The following STK32C variants were observed in gnomAD, a reference collection of about 807,000 sequenced individuals.
STK32C encodes serine/threonine-protein kinase 32C.
STK32C carries 31 observed loss-of-function variants against 56.5 expected under a neutral mutation model. The ratio of observed to expected loss-of-function variants is 0.55; its 90% confidence interval spans 0.41 to 0.74. STK32C has a LOEUF of 0.74. Among genes scored for constraint, STK32C ranks in the 30% least tolerant of loss-of-function variants. The pLI is 0.00. For synonymous variants in STK32C, 309 were observed against 289.4 expected (o/e 1.07, Z -0.69); for missense variants, 544 against 676.9 (o/e 0.80, Z 2.18).
intron 1 of STK32C, among the ~76,000 whole-genome samples, chr10:132,283,234 G>A (rs2065270553): frequency 6.6e-6 from 1 of 152,278 alleles, no homozygotes; most frequent in Non-Finnish European, 1.5e-5. Flanking sequence ...AGACACCCCA[G>A]CAAAACGTTT....
At chr10:132,299,812 G>C (rs1273965262) in intron 1 of STK32C, among the ~76,000 whole-genome samples, 3 of 152,244 alleles carry the variant, frequency 2.0e-5, no homozygotes, top group Non-Finnish European at 4.4e-5. Flanking sequence ...GAGAAACGCG[G>C]TGCCAGGACC....
chr10:132,270,701 T>G (rs2064789713), intron 1 of STK32C, among the ~76,000 whole-genome samples: 2 of 152,076 alleles, frequency 1.3e-5, no homozygotes, highest in African/African-American at 4.8e-5. Flanking sequence ...CACCCCTCCC[T>G]CCCTCTGCGT....
intron 2 of STK32C, among the ~76,000 whole-genome samples, chr10:132,233,158 G>A (rs974570122): frequency 4.6e-5 from 7 of 152,252 alleles, no homozygotes; most frequent in Non-Finnish European, 1.0e-4. Context: ...CCACAAAAAC[G>A]GGAGGGTCAG....
chr10:132,269,341 T>C (rs911788973), intron 1 of STK32C, among the ~76,000 whole-genome samples: 2 of 152,192 alleles, frequency 1.3e-5, no homozygotes, highest in African/African-American at 2.4e-5. Flanking sequence ...GACCGACACA[T>C]GGTGCCTGGA....
chr10:132,281,425 A>G (rs981742787), intron 1 of STK32C, among the ~76,000 whole-genome samples: 1 of 152,136 alleles, frequency 6.6e-6, no homozygotes, highest in African/African-American at 2.4e-5. Context: ...TGCCCCAGCT[A>G]TTCCTAACGT....
intron 7 of STK32C, among the ~76,000 whole-genome samples, chr10:132,224,817 G>A (rs908074591): frequency 8.5e-5 from 13 of 152,254 alleles, no homozygotes; most frequent in East Asian, 5.8e-4. Flanking sequence ...CTCAGAGGTG[G>A]GGTCCTGTGC....
rs140569228 is a variant in STK32C at position 132,274,019 on chromosome 10, G to A, written c.263-28064C>T. ...TCTGCTCTCTTTTTCCATAAGATCC[G>A]CAAGTTGTGGGAGGTGCACATCGAC... On this transcript the variant is annotated intron_variant, in intron 1 of 11. Coordinates refer to ENST00000298630, the MANE Select transcript of STK32C (RefSeq NM_173575.4). Among the ~76,000 whole-genome samples the A allele has an allele frequency of 3.8e-3, 580 of 152,322 alleles. 3 individuals are homozygous for A. Among genetic ancestry groups the A allele is most frequent in the African/African-American group, 0.014 (562 of 41,560 alleles).
intron 1 of STK32C, among the ~76,000 whole-genome samples, chr10:132,292,712 G>A (rs887303879): frequency 6.6e-6 from 1 of 152,158 alleles, no homozygotes; most frequent in Non-Finnish European, 1.5e-5. Context: ...ACCCAAAGCA[G>A]GCCCTGGAAT....
chr10:132,313,397 G>A (rs947205185), intron 1 of STK32C, among the ~76,000 whole-genome samples: 2 of 152,226 alleles, frequency 1.3e-5, no homozygotes. Context: ...CGGGCCACAC[G>A]ACAGACATTT....
In STK32C at chr10:132,222,779, A is replaced by T; in HGVS notation, c.1120-7T>A. 6.3e-7 allele frequency: 1 copy of T among 1,598,450 alleles called. No homozygotes were observed. Among genetic ancestry groups the T allele is most frequent in the East Asian group, 2.3e-5 (1 of 44,028 alleles). ...CGCAGTGCAGACGGCCTTTCTACAG[A>T]GGGATGGGTGCTGAGCCCCGGCCCG... is the stretch of plus-strand genomic sequence containing the variant. On this transcript the variant is annotated splice_polypyrimidine_tract_variant and splice_region_variant and intron_variant, in intron 9 of 11. Coordinates refer to ENST00000298630, the MANE Select transcript of STK32C (RefSeq NM_173575.4).
chr10:132,218,361 T>C (rs1320355898), intron 10 of STK32C, among the ~76,000 whole-genome samples: 3 of 152,146 alleles, frequency 2.0e-5, no homozygotes, highest in African/African-American at 7.2e-5. Flanking sequence ...TTAAAATATA[T>C]TGTCAGAGTA....
At chr10:132,225,372 G>A (rs1208987608) in intron 6 of STK32C, 36 bp from the exon 7 acceptor site, 5 of 1,594,710 alleles carry the variant, frequency 3.1e-6, no homozygotes, top group Non-Finnish European at 4.3e-6. Flanking sequence ...AGCTGCCACG[G>A]GGTCACAGCC....
chr10:132,227,611 ATGATGGTGG>A (rs1434290949), intron 3 of STK32C, among the ~76,000 whole-genome samples: 1 of 136,214 alleles, frequency 7.3e-6, no homozygotes, highest in East Asian at 2.3e-4. Flanking sequence ...GGTGATGGCG[ATGATGGTGG>A]TGATGGTGAT....
At chr10:132,296,051 G>A (rs149878666) in intron 1 of STK32C, among the ~76,000 whole-genome samples, 1 of 150,378 alleles carries the variant, frequency 6.6e-6, no homozygotes, top group Non-Finnish European at 1.5e-5. Context: ...ACCAGTGACA[G>A]GGCCAGCATC....
intron 1 of STK32C, among the ~76,000 whole-genome samples, chr10:132,314,953 G>A (rs1307197539): frequency 4.6e-5 from 7 of 152,110 alleles, no homozygotes; most frequent in African/African-American, 1.2e-4. Context: ...TGACCAACAC[G>A]GAGAAACCCC....
At chr10:132,299,586 G>A (rs573528156) in intron 1 of STK32C, among the ~76,000 whole-genome samples, 5 of 152,368 alleles carry the variant, frequency 3.3e-5, no homozygotes, top group African/African-American at 7.2e-5. Context: ...CCGAGGTGCC[G>A]TGTACATGGA....
downstream of STK32C, among the ~76,000 whole-genome samples, chr10:132,320,412 C>T (rs1216097609): frequency 1.3e-5 from 2 of 151,948 alleles, no homozygotes; most frequent in Non-Finnish European, 2.9e-5. Flanking sequence ...GGTGGGGGTC[C>T]GCTGGGGCTC....
intron 2 of STK32C, among the ~76,000 whole-genome samples, chr10:132,233,718 T>C (rs1590205028): frequency 6.6e-6 from 1 of 152,206 alleles, no homozygotes; most frequent in Non-Finnish European, 1.5e-5. Context: ...CTGTCAGGTG[T>C]TGGTGGCCAG....
chr10:132,299,862 C>T (rs1214908638), intron 1 of STK32C, among the ~76,000 whole-genome samples: 1 of 152,258 alleles, frequency 6.6e-6, no homozygotes, highest in Non-Finnish European at 1.5e-5. Flanking sequence ...CCAGGAACAG[C>T]TTTCCCACAG....
Sources: gnomAD v4.1 joint callset for allele counts (sites outside exome capture counted in the v4.1 genomes callset) on GRCh38, gnomAD v4.1.1 for gene constraint, MANE v1.5 for transcripts, NCBI Gene and HGNC (gene_info 2026-07-23, HGNC 2026-07-21) for gene names.